The following SERPINB11 variants were observed in gnomAD, a reference collection of about 807,000 sequenced individuals.
SERPINB11 encodes serpin B11.
A neutral mutation model predicts 36.7 loss-of-function variants in SERPINB11; 32 were observed. That is an observed-to-expected ratio of 0.87 (90% CI 0.66 to 1.17). The LOEUF (loss-of-function observed/expected upper bound fraction) is 1.17, where lower values mean the gene tolerates loss of function less well. Ranked by LOEUF, SERPINB11 falls within the 50% of genes most tolerant of loss-of-function variation. The pLI, the probability that SERPINB11 is intolerant of heterozygous loss-of-function variation, is 0.00. For missense variants in SERPINB11, 528 were observed against 458.4 expected, an observed-to-expected ratio of 1.15 and a Z score of -1.39; for synonymous variants, 174 against 168.1, an observed-to-expected ratio of 1.04 and a Z score of -0.27.
At chr18:63,720,471 C>G (rs775047127) in intron 6 of SERPINB11, 2 of 334,438 alleles carry the variant, frequency 6.0e-6, no homozygotes, top group Non-Finnish European at 1.1e-5. Context: ...CTAAGGCTAT[C>G]TGTGTTATTT....
intron 4 of SERPINB11, among the ~76,000 whole-genome samples, chr18:63,715,565 T>C (rs1280571834): frequency 1.3e-5 from 2 of 152,210 alleles, no homozygotes; most frequent in African/African-American, 2.4e-5. Context: ...TTATTAATTA[T>C]ATTTATGGCA....
intron 6 of SERPINB11, chr18:63,720,597 C>A: frequency 2.4e-6 from 1 of 422,884 alleles, no homozygotes; most frequent in Non-Finnish European, 4.1e-6. Flanking sequence ...TTTTGGTAGA[C>A]CAAGCTATCT....
At chr18:63,714,078 G>A (rs936814211) in intron 4 of SERPINB11, among the ~76,000 whole-genome samples, 2 of 152,118 alleles carry the variant, frequency 1.3e-5, no homozygotes, top group African/African-American at 4.8e-5. Context: ...GTTCTTTTCT[G>A]TTTTCCCTAT....
At chr18:63,713,886 G>A (rs1352438543) in intron 4 of SERPINB11, among the ~76,000 whole-genome samples, 1 of 152,196 alleles carries the variant, frequency 6.6e-6, no homozygotes, top group Non-Finnish European at 1.5e-5. Context: ...CTTGAACTAT[G>A]TCATGAGAGG....
chr18:63,711,405 A>C lies in SERPINB11; in HGVS notation c.228+11A>C, dbSNP rs1331515010. ...AAGGACTCACCTAAGGTATGATAAT[A>C]TTACTGAGTTGTCAAATGCTCTTTA... On this transcript the variant is annotated intron_variant, in intron 3 of 7. Coordinates refer to ENST00000544088, the MANE Select transcript of SERPINB11 (RefSeq NM_001370475.1). The C allele has an allele frequency of 1.9e-6, 3 of 1,574,002 alleles. No individual in the cohort carries two copies. Among genetic ancestry groups the C allele is most frequent in the Non-Finnish European group, 2.6e-6 (3 of 1,144,554 alleles).
At chr18:63,706,995 A>C (rs975241331) in intron 1 of SERPINB11, among the ~76,000 whole-genome samples, 1 of 152,166 alleles carries the variant, frequency 6.6e-6, no homozygotes, top group Non-Finnish European at 1.5e-5. Context: ...TCTTATTAGA[A>C]GCCTTTTCTA....
intron 1 of SERPINB11, among the ~76,000 whole-genome samples, chr18:63,709,639 ATAAAATAAAAAG>A (rs1914465246): frequency 6.6e-6 from 1 of 151,070 alleles, no homozygotes; most frequent in Non-Finnish European, 1.5e-5. Context: ...ATAAAATAAA[ATAAAATAAAAAG>A]TAAAATAAAA....
rs569863855 is a variant in SERPINB11, at chr18:63,720,662, A to C, written c.619-169A>C. 2.4e-5 allele frequency: 13 copies of C among 552,176 alleles called. No homozygotes were observed. In the South Asian group the frequency reaches 3.4e-4, roughly 14 times the overall value. The allele number at this position is 552,176 out of a possible 1,614,324, so 34.2% of individuals were successfully genotyped here. On this transcript the variant is annotated intron_variant, in intron 6 of 7. Coordinates refer to ENST00000544088, the MANE Select transcript of SERPINB11 (RefSeq NM_001370475.1). ...AACCATGACTTATTTTAAATTAAAA[A>C]AATGGATAACCTTTGCAAAGGGAAG...
intron 5 of SERPINB11, among the ~76,000 whole-genome samples, chr18:63,717,238 A>G (rs1914692631): frequency 6.6e-6 from 1 of 152,048 alleles, no homozygotes; most frequent in South Asian, 2.1e-4. Context: ...TATACATTTC[A>G]TTCTCAGAAT....
At chr18:63,709,191 C>T (rs1218852222) in intron 1 of SERPINB11, among the ~76,000 whole-genome samples, 1 of 152,178 alleles carries the variant, frequency 6.6e-6, no homozygotes. Flanking sequence ...TTTCTATTTT[C>T]ATAAACATGA....
chr18:63,708,552 T>C (rs1375367045), intron 1 of SERPINB11, among the ~76,000 whole-genome samples: 1 of 152,050 alleles, frequency 6.6e-6, no homozygotes, highest in Non-Finnish European at 1.5e-5. Flanking sequence ...TGAGAAAGAA[T>C]AGAAGAATGG....
At chr18:63,714,712 A>G (rs2144541793) in intron 4 of SERPINB11, among the ~76,000 whole-genome samples, 1 of 152,266 alleles carries the variant, frequency 6.6e-6, no homozygotes, top group South Asian at 2.1e-4. Context: ...AGTTCCCTGA[A>G]CATCGCTGTT....
At chr18:63,707,905 A>G (rs1245520459) in intron 1 of SERPINB11, among the ~76,000 whole-genome samples, 1 of 152,182 alleles carries the variant, frequency 6.6e-6, no homozygotes, top group Non-Finnish European at 1.5e-5. Context: ...GGTATGTGCT[A>G]TGGTAATGGA....
rs1914663733 is a variant in SERPINB11, at chr18:63,716,170, T to C, written c.475+18T>C. On this transcript the variant is annotated intron_variant, in intron 5 of 7. Coordinates refer to ENST00000544088, the MANE Select transcript of SERPINB11 (RefSeq NM_001370475.1). ...AACTAATGGTAAGGATAAGTCAATA[T>C]GTGTCTCTAAACTCTGTGTTGTGTT... 6.8e-7 allele frequency: 1 copy of C among 1,476,972 alleles called. No homozygotes were observed. 91.5% of individuals were successfully genotyped at this position (1,476,972 alleles called of 1,614,324 possible). A position where few individuals can be genotyped will look rare whatever the true frequency, so the allele number is the denominator to read the frequency against.
At chr18:63,707,445 C>A (rs2144530543) in intron 1 of SERPINB11, among the ~76,000 whole-genome samples, 1 of 152,344 alleles carries the variant, frequency 6.6e-6, no homozygotes, top group African/African-American at 2.4e-5. Flanking sequence ...TGCCCATCTT[C>A]AATCCCACTG....
intron 7 of SERPINB11, among the ~76,000 whole-genome samples, chr18:63,721,925 T>C (rs2144552170): frequency 6.6e-6 from 1 of 152,212 alleles, no homozygotes; most frequent in South Asian, 2.1e-4. Context: ...GTGAAAGACA[T>C]TTGGAGGCAT....
At chr18:63,714,501 C>G (rs1914615110) in intron 4 of SERPINB11, among the ~76,000 whole-genome samples, 1 of 152,110 alleles carries the variant, frequency 6.6e-6, no homozygotes, top group Admixed American at 6.5e-5. Context: ...TTATTTCATC[C>G]CTTATCTACA....
chr18:63,705,007 A>G (rs1914334656), intron 1 of SERPINB11, among the ~76,000 whole-genome samples: 1 of 152,226 alleles, frequency 6.6e-6, no homozygotes, highest in Non-Finnish European at 1.5e-5. Flanking sequence ...ATATTCCCAG[A>G]ATAACATGGA....
At position 63,723,362 on chromosome 18, in the gene SERPINB11, A is replaced by G. The variant is rs982810235; in HGVS notation, c.1142A>G (p.Asn381Ser). Reference protein sequence around the residue: ...FLFFIRHTHTNTILFCGKLAS... With the variant: ...FLFFIRHTHTSTILFCGKLAS... The stretch of plus-strand genomic sequence containing the variant: ...TTCTTTATAAGGCACACTCATACCA[A>G]CACGATCCTATTCTGTGGCAAGCTT... The change falls in exon 8 of 8, where the codon AAC becomes AGC. Residue 381 changes from asparagine to serine, a missense_variant. By Grantham distance (46) the Asn-to-Ser change is conservative (BLOSUM62 1). Coordinates refer to ENST00000544088, the MANE Select transcript of SERPINB11 (RefSeq NM_001370475.1). 1.1e-5 allele frequency: 18 copies of G among 1,613,078 alleles called. No homozygotes were observed. The highest frequency in any genetic ancestry group is 1.4e-5 in the Non-Finnish European group (17 of 1,179,434).
Sources: allele counts gnomAD v4.1 joint callset (sites outside exome capture counted in the v4.1 genomes callset), GRCh38; gene constraint gnomAD v4.1.1; transcripts MANE v1.5; gene names NCBI Gene and HGNC (gene_info 2026-07-23, HGNC 2026-07-21).